Variants in NAV3 observed in about 807,000 individuals in gnomAD.
NAV3 encodes neuron navigator 3.
In NAV3, 87 loss-of-function variants were observed where a neutral mutation model predicts 244.7. The observed-to-expected ratio is 0.36, with a 90% CI of 0.30 to 0.42. NAV3 has a LOEUF of 0.42. Ranked by LOEUF, NAV3 falls within the 20% of genes least tolerant of loss-of-function variation. The pLI, the probability that NAV3 is intolerant of heterozygous loss-of-function variation, is 1.00. For missense variants in NAV3, 2,663 were observed against 2,893.3 expected (o/e 0.92, Z 1.83); for synonymous variants, 1,126 against 1,042.2 (o/e 1.08, Z -1.55).
chr12:78,043,560 C>T (rs1163732557), intron 9 of NAV3, among the ~76,000 whole-genome samples: 1 of 152,098 alleles, frequency 6.6e-6, no homozygotes, highest in Non-Finnish European at 1.5e-5. Flanking sequence ...AGTGTAAAGG[C>T]GTTCCTATTT....
At chr12:77,990,276 G>A (rs764580048) in intron 5 of NAV3, among the ~76,000 whole-genome samples, 5 of 152,186 alleles carry the variant, frequency 3.3e-5, no homozygotes, top group Non-Finnish European at 7.3e-5. Context: ...AGTGGGGAAG[G>A]CATGTGGCTA....
intron 2 of NAV3, among the ~76,000 whole-genome samples, chr12:77,607,931 G>C (rs1870744284): frequency 6.6e-6 from 1 of 152,066 alleles, no homozygotes; most frequent in Admixed American, 6.6e-5. Flanking sequence ...TAAATCAAAT[G>C]ATCTATTATT....
Position 77,917,874 on chromosome 12 carries a change from C to T in NAV3, c.244-22445C>T, listed in dbSNP as rs150926813. On this transcript the variant is annotated intron_variant, in intron 1 of 39. Transcript: ENST00000397909. ...AAAGGTTTCTATATTCTTGACTAGA[C>T]GCTGACTCATACAGTGACTTTTTGC... Among the ~76,000 whole-genome samples, 408 of 152,086 alleles carry T rather than the reference C, an allele frequency of 2.7e-3. 3 individuals are homozygous for T. Among genetic ancestry groups the T allele is most frequent in the Middle Eastern group, 0.01 (3 of 294 alleles).
intron 12 of NAV3, among the ~76,000 whole-genome samples, chr12:78,103,821 A>G (rs1015371257): frequency 6.6e-6 from 1 of 152,228 alleles, no homozygotes; most frequent in East Asian, 1.9e-4. Flanking sequence ...CATGATTCAA[A>G]TGATCTCCAA....
At chr12:77,943,035 G>A (rs1449682952) in intron 3 of NAV3, among the ~76,000 whole-genome samples, 1 of 152,124 alleles carries the variant, frequency 6.6e-6, no homozygotes, top group Non-Finnish European at 1.5e-5. Context: ...TGGGATTACA[G>A]AGAATTCAAT....
intron 5 of NAV3, among the ~76,000 whole-genome samples, chr12:77,984,094 G>A (rs1565986872): frequency 6.6e-6 from 1 of 152,096 alleles, no homozygotes; most frequent in Non-Finnish European, 1.5e-5. Flanking sequence ...GTGTCTTATT[G>A]GGACAGTTTC....
At chr12:78,120,454 A>G (rs765533336) in intron 15 of NAV3, among the ~76,000 whole-genome samples, 1 of 152,194 alleles carries the variant, frequency 6.6e-6, no homozygotes, top group South Asian at 2.1e-4. Context: ...ACAGTGTCAT[A>G]TCTTGACACA....
intron 8 of NAV3, among the ~76,000 whole-genome samples, chr12:78,020,530 T>C (rs1235229931): frequency 6.6e-6 from 1 of 152,160 alleles, no homozygotes; most frequent in Non-Finnish European, 1.5e-5. Context: ...CTTTCTTGTA[T>C]AGTTCTTTCT....
intron 3 of NAV3, among the ~76,000 whole-genome samples, chr12:77,947,193 A>G (rs974818040): frequency 6.6e-6 from 1 of 151,918 alleles, no homozygotes; most frequent in Non-Finnish European, 1.5e-5. Flanking sequence ...TCCATGTCCG[A>G]TAGGGTTATG....
At chr12:77,874,691 T>A (rs184715982) in intron 1 of NAV3, among the ~76,000 whole-genome samples, 1 of 152,284 alleles carries the variant, frequency 6.6e-6, no homozygotes, top group African/African-American at 2.4e-5. Context: ...AGAATGGGTT[T>A]ATATATTTTA....
chr12:77,670,105 C>T (rs183372571), intron 2 of NAV3, among the ~76,000 whole-genome samples: 61 of 151,926 alleles, frequency 4.0e-4, no homozygotes, highest in South Asian at 2.1e-3. Flanking sequence ...GGAAACAAAA[C>T]GGGAGATATT....
At chr12:77,723,755 C>CTTTTTTTTTTTTTTTTTT (rs34518266) in intron 2 of NAV3, among the ~76,000 whole-genome samples, 5 of 67,650 alleles carry the variant, frequency 7.4e-5, no homozygotes, top group African/African-American at 1.2e-4. Context: ...GCAATCTTGA[C>CTTTTTTTTTTTTTTTTTT]TTTTTTTTTT....
intron 8 of NAV3, 27 bp downstream of exon 8, chr12:78,007,472 T>C (rs2136604706): frequency 6.3e-7 from 1 of 1,596,648 alleles, no homozygotes; most frequent in African/African-American, 1.3e-5. Context: ...TTATCCACAG[T>C]TGTAAATATA....
chr12:77,823,015 A>G (rs898383949), intron 2 of NAV3, among the ~76,000 whole-genome samples: 19 of 152,338 alleles, frequency 1.2e-4, no homozygotes, highest in Middle Eastern at 3.4e-3. Context: ...ATAAAGCAAT[A>G]TTATTCAGCC....
At chr12:77,613,084 A>G (rs887767316) in intron 2 of NAV3, among the ~76,000 whole-genome samples, 2 of 152,166 alleles carry the variant, frequency 1.3e-5, no homozygotes, top group Middle Eastern at 3.2e-3. Flanking sequence ...TAAATTACCC[A>G]GTCTTAGGTT....
intron 20 of NAV3, among the ~76,000 whole-genome samples, chr12:78,142,501 A>T (rs1449970873): frequency 6.6e-6 from 1 of 151,878 alleles, no homozygotes. Context: ...TGTGCCTAGC[A>T]GCTACTAGAT....
chr12:78,156,112 G>T (rs1411627170), intron 22 of NAV3, among the ~76,000 whole-genome samples: 1 of 152,008 alleles, frequency 6.6e-6, no homozygotes, highest in Admixed American at 6.6e-5. Flanking sequence ...TTGTTCTAGG[G>T]TTTTTATAGT....
intron 21 of NAV3, among the ~76,000 whole-genome samples, 184 bp downstream of exon 21, chr12:78,146,576 G>A (rs747430146): frequency 1.1e-4 from 17 of 152,090 alleles, no homozygotes; most frequent in Non-Finnish European, 2.1e-4. Context: ...ATGAAAGGAA[G>A]TTTGTATAGC....
At chr12:77,933,484 C>T (rs369536218) in intron 1 of NAV3, among the ~76,000 whole-genome samples, 5 of 152,164 alleles carry the variant, frequency 3.3e-5, no homozygotes, top group South Asian at 4.1e-4. Flanking sequence ...GACCATCCAC[C>T]GATCTTATGG....
Sources: allele counts gnomAD v4.1 joint callset (sites outside exome capture counted in the v4.1 genomes callset), GRCh38; gene constraint gnomAD v4.1.1; transcripts MANE v1.5; gene names NCBI Gene and HGNC (gene_info 2026-07-23, HGNC 2026-07-21).